EYS: variants seen among roughly 807,000 people sequenced by gnomAD.
EYS encodes the protein EGF-like photoreceptor maintenance factor.
In EYS, 250 loss-of-function variants were observed where a neutral mutation model predicts 282.1. That is an observed-to-expected ratio of 0.89 (90% CI 0.80 to 0.98). EYS has a LOEUF of 0.98. Among genes scored for constraint, EYS ranks in the 50% least tolerant of loss-of-function variants. The pLI is 0.00. For missense variants in EYS, 4,016 were observed against 3,709.0 expected, an observed-to-expected ratio of 1.08 and a Z score of -2.15; for synonymous variants, 1,355 against 1,282.9, an observed-to-expected ratio of 1.06 and a Z score of -1.20.
chr6:64,174,067 C>T (rs1452699717), intron 31 of EYS, among the ~76,000 whole-genome samples: 1 of 152,102 alleles, frequency 6.6e-6, no homozygotes, highest in Non-Finnish European at 1.5e-5. Flanking sequence ...ATAAGCCAGT[C>T]ACAGGACAAA....
intron 18 of EYS, among the ~76,000 whole-genome samples, chr6:64,889,061 T>C (rs2150064649): frequency 6.6e-6 from 1 of 152,184 alleles, no homozygotes; most frequent in East Asian, 1.9e-4. Context: ...AAATATTGAA[T>C]ACTAGAAAAT....
intron 2 of EYS, among the ~76,000 whole-genome samples, chr6:65,603,977 T>C (rs1339983706): frequency 6.6e-6 from 1 of 151,956 alleles, no homozygotes; most frequent in Non-Finnish European, 1.5e-5. Flanking sequence ...TTTTCCTTGA[T>C]TTGAATGACT....
chr6:65,382,729 A>C (rs1413372381), intron 8 of EYS, among the ~76,000 whole-genome samples: 2 of 151,978 alleles, frequency 1.3e-5, no homozygotes, highest in Non-Finnish European at 2.9e-5. Flanking sequence ...TATCCAGCAC[A>C]GAACAAAGAT....
chr6:64,401,646 T>C (rs1305260600), intron 28 of EYS, among the ~76,000 whole-genome samples: 1 of 151,970 alleles, frequency 6.6e-6, no homozygotes, highest in African/African-American at 2.4e-5. Context: ...TAAGTAAATA[T>C]AAAATATATT....
At chr6:64,082,475 G>A (rs1015884485) in intron 31 of EYS, among the ~76,000 whole-genome samples, 1 of 152,052 alleles carries the variant, frequency 6.6e-6, no homozygotes, top group African/African-American at 2.4e-5. Context: ...GGTCAATGGA[G>A]TATCCATCAC....
At chr6:63,772,795 C>A (rs890301725) in intron 40 of EYS, among the ~76,000 whole-genome samples, 2 of 152,042 alleles carry the variant, frequency 1.3e-5, no homozygotes, top group African/African-American at 4.8e-5. Flanking sequence ...GAAAGTCTAG[C>A]TTTTATCCTT....
At chr6:65,411,718 A>G (rs1767021316) in intron 5 of EYS, among the ~76,000 whole-genome samples, 1 of 152,100 alleles carries the variant, frequency 6.6e-6, no homozygotes, top group Non-Finnish European at 1.5e-5. Context: ...TCTTTAAATG[A>G]AACCATACAA....
intron 24 of EYS, among the ~76,000 whole-genome samples, chr6:64,602,874 C>T (rs1165831813): frequency 1.3e-5 from 2 of 151,872 alleles, no homozygotes; most frequent in Non-Finnish European, 2.9e-5. Flanking sequence ...TTACAACCAC[C>T]CTACCTAAAC....
At chr6:64,339,074 G>A (rs370523921) in intron 29 of EYS, among the ~76,000 whole-genome samples, 102 of 152,092 alleles carry the variant, frequency 6.7e-4, no homozygotes, top group African/African-American at 2.4e-3. Context: ...CATTGGCTTA[G>A]GCAAGAATTT....
At chr6:63,915,118 T>C (rs908088424) in intron 35 of EYS, among the ~76,000 whole-genome samples, 15 of 152,226 alleles carry the variant, frequency 9.9e-5, no homozygotes, top group African/African-American at 3.1e-4. Flanking sequence ...CTTTCTAAGC[T>C]AGACAGAAGT....
intron 12 of EYS, among the ~76,000 whole-genome samples, chr6:65,281,091 G>T (rs1001475883): frequency 4.1e-5 from 6 of 147,964 alleles, no homozygotes; most frequent in African/African-American, 7.4e-5. Flanking sequence ...ATTGAGGTAA[G>T]TTTTTTTTGT....
intron 5 of EYS, among the ~76,000 whole-genome samples, chr6:65,481,583 C>G (rs1765607936): frequency 6.6e-6 from 1 of 152,170 alleles, no homozygotes; most frequent in African/African-American, 2.4e-5. Flanking sequence ...GAGTCTCGCT[C>G]TGTTGCCCAG....
intron 5 of EYS, among the ~76,000 whole-genome samples, chr6:65,443,414 C>CATATATGTACATGTATGTACACATATAGA (rs1562186644): frequency 8.3e-6 from 1 of 120,870 alleles, no homozygotes; most frequent in African/African-American, 3.1e-5. Flanking sequence ...ACACATATAG[C>CATATATGTACATGTATGTACACATATAGA]CATATATGTA....
intron 33 of EYS, 81 bp downstream of exon 33, chr6:64,066,257 G>T: frequency 7.9e-7 from 1 of 1,258,128 alleles, no homozygotes; most frequent in Non-Finnish European, 1.1e-6. Flanking sequence ...CAGACTGGGT[G>T]ACAGAGCAAG....
At chr6:65,558,362 G>A (rs181798303) in intron 2 of EYS, among the ~76,000 whole-genome samples, 78 of 152,338 alleles carry the variant, frequency 5.1e-4, no homozygotes, top group African/African-American at 1.9e-3. Flanking sequence ...GCCTGGGCTC[G>A]GCCACAACTT....
At chr6:65,082,472 T>C (rs1290546756) in intron 12 of EYS, among the ~76,000 whole-genome samples, 4 of 151,994 alleles carry the variant, frequency 2.6e-5, no homozygotes, top group African/African-American at 4.8e-5. Context: ...AAGGGAAAAA[T>C]ATGTTAAAAC....
intron 19 of EYS, among the ~76,000 whole-genome samples, chr6:64,831,179 A>G (rs1463247898): frequency 6.6e-6 from 1 of 151,986 alleles, no homozygotes; most frequent in Non-Finnish European, 1.5e-5. Flanking sequence ...GGGAAGCCTA[A>G]CCTATGAAAA....
chr6:65,225,902 G>A (rs1766612674), intron 12 of EYS, among the ~76,000 whole-genome samples: 1 of 151,860 alleles, frequency 6.6e-6, no homozygotes. Context: ...ACATGATAAA[G>A]AGCATTTGTG....
At chr6:65,541,407 AT>A (rs5876967) in intron 2 of EYS, among the ~76,000 whole-genome samples, 113,413 of 152,012 alleles carry the variant, frequency 0.75, 43,089 homozygotes, top group African/African-American at 0.89. Flanking sequence ...TGTAAGTTGT[AT>A]TTTTTTAGAA....
Sources: allele counts gnomAD v4.1 joint callset (sites outside exome capture counted in the v4.1 genomes callset), GRCh38; gene constraint gnomAD v4.1.1; transcripts MANE v1.5; gene names NCBI Gene and HGNC (gene_info 2026-07-23, HGNC 2026-07-21).